Variants in ARGLU1 observed in about 807,000 individuals in gnomAD.
ARGLU1 encodes the protein arginine and glutamate rich 1.
ARGLU1 carries 9 observed loss-of-function variants against 37.6 expected under a neutral mutation model. That is an observed-to-expected ratio of 0.24 (90% confidence interval 0.14 to 0.42). The LOEUF (loss-of-function observed/expected upper bound fraction) is 0.42, where lower values mean the gene tolerates loss of function less well. ARGLU1 is among the 10% of genes least tolerant of loss of function. ARGLU1 has a pLI of 1.00. For synonymous variants in ARGLU1, 166 were observed against 138.5 expected (o/e 1.20, Z -1.39); for missense variants, 211 against 359.2 (o/e 0.59, Z 3.34).
Position 106,568,111 on chromosome 13 carries a change from G to C in ARGLU1, c.-192C>G, listed in dbSNP as rs1031640751. 3.5e-6 allele frequency: 3 copies of C among 849,448 alleles called. No homozygotes were observed. The highest frequency in any genetic ancestry group is 3.2e-5 in the East Asian group (1 of 31,532). 52.6% of individuals were successfully genotyped at this position (849,448 alleles called of 1,614,324 possible). On this transcript the variant is annotated 5_prime_UTR_variant, in exon 1 of 4. Transcript: ENST00000400198. ...CCGCCTCCAACGAGAAACCCGTAGC[G>C]CCAGGCGCCCCTAAGATGGCAGCTG... is the stretch of plus-strand genomic sequence containing the variant.
At chr13:106,553,268 T>C (rs759115411) in intron 3 of ARGLU1, among the ~76,000 whole-genome samples, 2 of 152,194 alleles carry the variant, frequency 1.3e-5, no homozygotes, top group Admixed American at 1.3e-4. Flanking sequence ...AGGATCATAT[T>C]GGATATATAA....
intron 3 of ARGLU1, among the ~76,000 whole-genome samples, chr13:106,548,770 CAG>C (rs1315895904): frequency 1.3e-5 from 2 of 152,092 alleles, no homozygotes; most frequent in African/African-American, 2.4e-5. Flanking sequence ...TATTTTTAGA[CAG>C]AGTCTTGCTC....
At chr13:106,558,343 G>C (rs1194948446) in intron 2 of ARGLU1, 5 of 985,022 alleles carry the variant, frequency 5.1e-6, no homozygotes, top group Non-Finnish European at 6.0e-6. Flanking sequence ...AAGGGAAAAT[G>C]CATTTTAAAA....
At chr13:106,556,720 T>C (rs1880670067) in intron 3 of ARGLU1, among the ~76,000 whole-genome samples, 1 of 152,208 alleles carries the variant, frequency 6.6e-6, no homozygotes, top group Non-Finnish European at 1.5e-5. Flanking sequence ...TTGGTTTAAA[T>C]ATACCCCCAA....
At chr13:106,546,782 C>T (rs991552514) in intron 3 of ARGLU1, among the ~76,000 whole-genome samples, 2 of 152,176 alleles carry the variant, frequency 1.3e-5, no homozygotes, top group Non-Finnish European at 2.9e-5. Flanking sequence ...ACATAAAGAA[C>T]ATCACAACCT....
intron 3 of ARGLU1, among the ~76,000 whole-genome samples, chr13:106,554,099 G>C (rs1404255066): frequency 6.6e-6 from 1 of 152,166 alleles, no homozygotes; most frequent in Non-Finnish European, 1.5e-5. Context: ...AGGTTTCCGA[G>C]GCCACCCAGG....
At chr13:106,551,793 GC>G (rs1880536625) in intron 3 of ARGLU1, among the ~76,000 whole-genome samples, 1 of 151,992 alleles carries the variant, frequency 6.6e-6, no homozygotes, top group Admixed American at 6.6e-5. Context: ...AATCTTCAAC[GC>G]CAACATTTCC....
intron 3 of ARGLU1, among the ~76,000 whole-genome samples, chr13:106,554,995 C>CA (rs1174655895): frequency 1.3e-5 from 2 of 152,118 alleles, no homozygotes; most frequent in African/African-American, 4.8e-5. Flanking sequence ...TCAACTTTCT[C>CA]AAATCCAAGC....
intron 1 of ARGLU1, among the ~76,000 whole-genome samples, chr13:106,565,803 T>C (rs917266574): frequency 6.6e-6 from 1 of 152,194 alleles, no homozygotes; most frequent in African/African-American, 2.4e-5. Flanking sequence ...TATTGGCAGT[T>C]TGTGTCTTCT....
At chr13:106,561,032 CT>C (rs1439293887) in intron 1 of ARGLU1, among the ~76,000 whole-genome samples, 1 of 152,172 alleles carries the variant, frequency 6.6e-6, no homozygotes. Context: ...ATTTCAGTTT[CT>C]ACATTTATCC....
chr13:106,559,061 TAGA>T, intron 2 of ARGLU1: 28 of 1,209,748 alleles, frequency 2.3e-5, no homozygotes, highest in Non-Finnish European at 2.9e-5. Flanking sequence ...AGTGACAGAA[TAGA>T]AGAATATACA....
In ARGLU1 at chr13:106,559,437, T is replaced by C. The variant is rs772666115; in HGVS notation, c.568A>G (p.Arg190Gly). ...RQAELAAQKA[R>G]EEEERAKREE... The stretch of plus-strand genomic sequence containing the variant: ...TCCAAACGACCGAGCGTTACCTCTC[T>C]AGCTTTTTGTGCGGCAAGCTCAGCT... Residue 190 changes from arginine to glycine, a missense_variant, in exon 2 of 4, where the codon AGA becomes GGA. Transcript: ENST00000400198. 6.2e-7 allele frequency: 1 copy of C among 1,614,182 alleles called. No homozygotes were observed. The highest frequency in any genetic ancestry group is 1.7e-5 in the Admixed American group (1 of 60,030).
rs1002521359 is a variant in ARGLU1 at position 106,542,766 on chromosome 13, G to C, written c.*1230C>G. On this transcript the variant is annotated 3_prime_UTR_variant, in exon 4 of 4. Transcript: ENST00000400198. ...ACCAGTATACTTAAACATATGTTAA[G>C]AGTAAATGAGGCAGATTCTAGTGTA... 3 of 150,162 alleles carry C rather than the reference G, an allele frequency of 2.0e-5. No individual in the cohort carries two copies. Among genetic ancestry groups the C allele is most frequent in the Non-Finnish European group, 4.4e-5 (3 of 67,678 alleles). The allele number at this position is 150,162 out of a possible 1,614,324, so 9.3% of individuals were successfully genotyped here. A position where few individuals can be genotyped will look rare whatever the true frequency, so the allele number is the denominator to read the frequency against.
At chr13:106,562,843 T>A (rs866949059) in intron 1 of ARGLU1, among the ~76,000 whole-genome samples, 1 of 132,072 alleles carries the variant, frequency 7.6e-6, no homozygotes, top group East Asian at 2.0e-4. Flanking sequence ...TAAAAATAAA[T>A]AAATAAATAA....
Position 106,557,282 on chromosome 13 carries a change from C to T in ARGLU1, c.574-151G>A. On this transcript the variant is annotated intron_variant, in intron 2 of 3. Coordinates refer to ENST00000400198, the MANE Select transcript of ARGLU1 (RefSeq NM_018011.4). This position sits in a 1 kb window ranked among gnomAD's most constrained non-coding sequence, Gnocchi z 5.0. ...TCTGACAAATGATAAACTGTGCAGT[C>T]ACTAAAATTGGTTTCTAGCACTAAA... is the stretch of plus-strand genomic sequence containing the variant. 1 of 741,112 alleles carries T rather than the reference C, an allele frequency of 1.3e-6. No homozygotes were observed. The highest frequency in any genetic ancestry group is 2.1e-6 in the Non-Finnish European group (1 of 471,668). The allele number at this position is 741,112 out of a possible 1,614,324, so 45.9% of individuals were successfully genotyped here. A position where few individuals can be genotyped will look rare whatever the true frequency, so the allele number is the denominator to read the frequency against.
chr13:106,565,066 C>T (rs1880923553), intron 1 of ARGLU1, among the ~76,000 whole-genome samples: 2 of 152,178 alleles, frequency 1.3e-5, no homozygotes, highest in African/African-American at 4.8e-5. Flanking sequence ...AACTTCTGTA[C>T]CCACCTCTTA....
chr13:106,563,286 T>C lies in ARGLU1; in HGVS notation c.348-3629A>G, dbSNP rs553112952. 2.0e-5 allele frequency among the ~76,000 whole-genome samples: 3 copies of C among 152,290 alleles called. No homozygotes were observed. In the South Asian group the frequency reaches 6.2e-4, roughly 32 times the overall value. On this transcript the variant is annotated intron_variant, in intron 1 of 3. Coordinates refer to ENST00000400198, the MANE Select transcript of ARGLU1 (RefSeq NM_018011.4). ...CATTTAAATCACATAATTATTCCTATGCAGTGGGTATGTATCCCATTTTTA... is the reference window on the plus strand; with the variant it reads ...CATTTAAATCACATAATTATTCCTACGCAGTGGGTATGTATCCCATTTTTA...
intron 3 of ARGLU1, among the ~76,000 whole-genome samples, chr13:106,547,573 G>A (rs373815190): frequency 2.0e-4 from 31 of 152,212 alleles, no homozygotes; most frequent in African/African-American, 6.3e-4. Flanking sequence ...CCTATGTTCC[G>A]CAATGGAAAA....
chr13:106,558,707 T>C (rs762100931), intron 2 of ARGLU1: 106 of 985,304 alleles, frequency 1.1e-4, no homozygotes, highest in Non-Finnish European at 1.2e-4. Flanking sequence ...AAACAAATCA[T>C]GTGTTTAGCT....
Sources: allele counts gnomAD v4.1 joint callset (sites outside exome capture counted in the v4.1 genomes callset), GRCh38; gene constraint gnomAD v4.1.1; non-coding constraint Gnocchi (gnomAD v3.1); transcripts MANE v1.5; gene names NCBI Gene and HGNC (gene_info 2026-07-23, HGNC 2026-07-21).